OR5BS1: variants seen among roughly 807,000 people sequenced by gnomAD.
OR5BS1 encodes the protein olfactory receptor family 5 subfamily BS member 1, also known as olfactory receptor 5BS1.
At chr12:48,560,214 G>A in the OR5BS1 span, 10 of 401,136 alleles carry the variant, frequency 2.5e-5, no homozygotes, top group Non-Finnish European at 4.4e-5. Flanking sequence ...GAGCTACTGA[G>A]GCTTGCCTCC....
chr12:48,560,647 G>T, the OR5BS1 span: 1 of 401,180 alleles, frequency 2.5e-6, no homozygotes, highest in East Asian at 3.6e-5. Flanking sequence ...TACTTCAGGA[G>T]TTCTCAGGTA....
the OR5BS1 span, chr12:48,560,128 G>C: frequency 2.5e-6 from 1 of 401,822 alleles, no homozygotes; most frequent in South Asian, 1.3e-4. Context: ...TAAACTGCTA[G>C]AGAACCTTCT....
At chr12:48,561,093 A>G in the OR5BS1 span, among the ~76,000 whole-genome samples, 2 of 134,966 alleles carry the variant, frequency 1.5e-5, no homozygotes, top group Admixed American at 7.8e-5. Context: ...ACAGAGTGAG[A>G]CTAGGTCAAA....
the OR5BS1 span, among the ~76,000 whole-genome samples, chr12:48,562,494 T>A: frequency 1.3e-5 from 2 of 152,244 alleles, no homozygotes; most frequent in Non-Finnish European, 2.9e-5. Context: ...GTTTTACTTT[T>A]TATCTGTCCC....
the OR5BS1 span, among the ~76,000 whole-genome samples, chr12:48,561,174 C>T: frequency 2.6e-5 from 4 of 151,394 alleles, no homozygotes; most frequent in Admixed American, 2.6e-4. Flanking sequence ...TGAATTTAGA[C>T]CAAGATAAAG....
chr12:48,560,714 C>T, the OR5BS1 span: 6 of 399,890 alleles, frequency 1.5e-5, no homozygotes, highest in Admixed American at 4.4e-5. Flanking sequence ...AAGTGGTCTC[C>T]GTTGGCAGAA....
At chr12:48,561,619 G>A in the OR5BS1 span, among the ~76,000 whole-genome samples, 257 of 152,198 alleles carry the variant, frequency 1.7e-3, 1 homozygote, top group African/African-American at 6.0e-3. Context: ...CAAAACAATC[G>A]ATGCCTGTGC....
the OR5BS1 span, chr12:48,560,469 C>T: frequency 2.2e-5 from 9 of 401,646 alleles, no homozygotes; most frequent in Non-Finnish European, 4.0e-5. Context: ...GCGCTAGCAT[C>T]GTCTCCATTC....
the OR5BS1 span, chr12:48,560,558 T>G: frequency 5.0e-6 from 2 of 401,894 alleles, no homozygotes; most frequent in Non-Finnish European, 8.8e-6. Flanking sequence ...ATGACAGCCC[T>G]GAGGATCAAC....
the OR5BS1 span, chr12:48,562,767 T>C: frequency 2.5e-6 from 1 of 401,550 alleles, no homozygotes; most frequent in Non-Finnish European, 4.4e-6. Flanking sequence ...TTGTCATAAG[T>C]TGCTTTTCTG....
the OR5BS1 span, chr12:48,562,690 A>T: frequency 2.5e-6 from 1 of 398,374 alleles, no homozygotes; most frequent in East Asian, 3.6e-5. Flanking sequence ...AGCTCTGAAG[A>T]CCTCCTTTGC....
At chr12:48,561,733 T>C in the OR5BS1 span, among the ~76,000 whole-genome samples, 1 of 152,084 alleles carries the variant, frequency 6.6e-6, no homozygotes, top group Non-Finnish European at 1.5e-5. Flanking sequence ...ATGGTAAGAA[T>C]AGCCCAGTAC....
At chr12:48,562,761 C>T in the OR5BS1 span, 1 of 401,410 alleles carries the variant, frequency 2.5e-6, no homozygotes, top group Non-Finnish European at 4.4e-6. Context: ...TCACCATTGT[C>T]ATAAGTTGCT....
the OR5BS1 span, among the ~76,000 whole-genome samples, chr12:48,560,963 T>G: frequency 2.0e-5 from 3 of 151,946 alleles, no homozygotes; most frequent in African/African-American, 7.3e-5. Flanking sequence ...ATCAGCCAGG[T>G]GTGGTCACGT....
At chr12:48,562,094 C>T in the OR5BS1 span, among the ~76,000 whole-genome samples, 2 of 152,080 alleles carry the variant, frequency 1.3e-5, no homozygotes, top group Non-Finnish European at 2.9e-5. Context: ...GCAAAATGTA[C>T]CCAAGATTTT....
the OR5BS1 span, chr12:48,560,676 A>G: frequency 2.5e-6 from 1 of 400,960 alleles, no homozygotes; most frequent in Admixed American, 4.4e-5. Flanking sequence ...TATACCCCTG[A>G]ATATAAATGC....
the OR5BS1 span, chr12:48,560,328 G>A: frequency 2.5e-6 from 1 of 401,412 alleles, no homozygotes; most frequent in Non-Finnish European, 4.4e-6. Flanking sequence ...GGGCATCCTG[G>A]GCCATAGGAA....
the OR5BS1 span, among the ~76,000 whole-genome samples, chr12:48,561,858 G>C: frequency 6.6e-6 from 1 of 152,148 alleles, no homozygotes; most frequent in Non-Finnish European, 1.5e-5. Flanking sequence ...CTTTGTCTCA[G>C]TTTCCTCATC....
chr12:48,562,273 G>A, the OR5BS1 span, among the ~76,000 whole-genome samples: 1 of 152,106 alleles, frequency 6.6e-6, no homozygotes, highest in African/African-American at 2.4e-5. Context: ...TAATTCCCAG[G>A]GCCATGAAGG....
Sources: gnomAD v4.1 joint callset for allele counts (sites outside exome capture counted in the v4.1 genomes callset) on GRCh38, gnomAD v4.1.1 for gene constraint, MANE v1.5 for transcripts, NCBI Gene and HGNC (gene_info 2026-07-23, HGNC 2026-07-21) for gene names.